The following TMEM45A variants were observed in gnomAD, a reference collection of about 807,000 sequenced individuals.
The protein encoded by TMEM45A is DNA polymerase-transactivated protein 4.
A neutral mutation model predicts 32.0 loss-of-function variants in TMEM45A; 25 were observed. That is an observed-to-expected ratio of 0.78 (90% CI 0.57 to 1.09). The LOEUF is 1.09. TMEM45A is among the 50% of genes least tolerant of loss of function. TMEM45A has a pLI of 0.00. For synonymous variants in TMEM45A, 122 were observed against 114.8 expected (o/e 1.06, Z -0.40); for missense variants, 302 against 325.0 (o/e 0.93, Z 0.54).
At chr3:100,539,432 G>GATATGT (rs61585906) in intron 1 of TMEM45A, among the ~76,000 whole-genome samples, 4,619 of 82,564 alleles carry the variant, frequency 0.056, 184 homozygotes, top group African/African-American at 0.066. Context: ...AACCCAATAG[G>GATATGT]ATATGTATAT....
chr3:100,574,961 C>A (rs189386608), intron 5 of TMEM45A, among the ~76,000 whole-genome samples: 1 of 152,232 alleles, frequency 6.6e-6, no homozygotes, highest in African/African-American at 2.4e-5. Context: ...GTTAGTTCCA[C>A]AGAAGTATTT....
intron 4 of TMEM45A, among the ~76,000 whole-genome samples, chr3:100,566,254 C>T (rs1249072403): frequency 6.6e-6 from 1 of 151,986 alleles, no homozygotes; most frequent in Non-Finnish European, 1.5e-5. Context: ...TGTTTGAATA[C>T]CTATTTTTAG....
chr3:100,567,312 C>A (rs1468876139), intron 4 of TMEM45A, among the ~76,000 whole-genome samples: 1 of 151,800 alleles, frequency 6.6e-6, no homozygotes, highest in Non-Finnish European at 1.5e-5. Flanking sequence ...AACCAATTGA[C>A]CTCAGACATA....
At chr3:100,498,633 T>C (rs11923942) in intron 1 of TMEM45A, among the ~76,000 whole-genome samples, 34,423 of 151,990 alleles carry the variant, frequency 0.23, 4,214 homozygotes, top group East Asian at 0.36. Context: ...AACCCGGGCC[T>C]CTAATTAATA....
intron 1 of TMEM45A, among the ~76,000 whole-genome samples, chr3:100,517,583 T>A (rs1296445168): frequency 1.3e-5 from 2 of 152,348 alleles, no homozygotes; most frequent in East Asian, 3.9e-4. Context: ...ACTGTCCCCA[T>A]GCCAAAGATC....
At chr3:100,550,522 C>T (rs1479774953) in intron 1 of TMEM45A, among the ~76,000 whole-genome samples, 1 of 152,150 alleles carries the variant, frequency 6.6e-6, no homozygotes, top group Non-Finnish European at 1.5e-5. Flanking sequence ...TTGGTGGTGG[C>T]GCAAGATGAA....
intron 1 of TMEM45A, among the ~76,000 whole-genome samples, chr3:100,494,243 A>T (rs572312794): frequency 6.6e-6 from 1 of 152,292 alleles, no homozygotes; most frequent in African/African-American, 2.4e-5. Flanking sequence ...CTTTTGTCAT[A>T]TGTTATTTAC....
rs137870875 is a variant in TMEM45A, at chr3:100,504,345, T to C, written c.-4+11417T>C. The stretch of plus-strand genomic sequence containing the variant: ...AAACACTTCATCTCAGTTCCTGTCC[T>C]TGTAGATGGTAACAGCTTGCAGACT... On this transcript the variant is annotated intron_variant, in intron 1 of 5. Coordinates refer to ENST00000323523, the MANE Select transcript of TMEM45A (RefSeq NM_018004.3). 1.3e-3 allele frequency among the ~76,000 whole-genome samples: 198 copies of C among 152,320 alleles called. 1 individual carries two copies. Among genetic ancestry groups the C allele is most frequent in the African/African-American group, 4.4e-3 (182 of 41,570 alleles).
intron 1 of TMEM45A, among the ~76,000 whole-genome samples, chr3:100,523,956 G>C (rs779786387): frequency 6.6e-6 from 1 of 152,190 alleles, no homozygotes; most frequent in African/African-American, 2.4e-5. Context: ...CATTTTGTTT[G>C]GTCATAGTAG....
chr3:100,528,987 A>G lies in TMEM45A; in HGVS notation c.-3-26222A>G, dbSNP rs1705598977. Among the ~76,000 whole-genome samples, 3 of 152,304 alleles carry G rather than the reference A, an allele frequency of 2.0e-5. No individual in the cohort carries two copies. In the South Asian group the frequency reaches 6.2e-4, roughly 32 times the overall value. On this transcript the variant is annotated intron_variant, in intron 1 of 5. Coordinates refer to ENST00000323523, the MANE Select transcript of TMEM45A (RefSeq NM_018004.3). ...AGTTTCTGTTTTATAGGAGATTGGA[A>G]AGAAAGCACTGCAAATGAAGCTCCT...
intron 1 of TMEM45A, among the ~76,000 whole-genome samples, chr3:100,493,769 T>G (rs1707884863): frequency 6.6e-6 from 1 of 152,188 alleles, no homozygotes; most frequent in Non-Finnish European, 1.5e-5. Context: ...CTCACTCTTG[T>G]CGCCAAGGCT....
At chr3:100,560,684 CATA>C (rs1559651802) in intron 4 of TMEM45A, among the ~76,000 whole-genome samples, 1 of 151,936 alleles carries the variant, frequency 6.6e-6, no homozygotes, top group African/African-American at 2.4e-5. Flanking sequence ...TAGGAGTCCT[CATA>C]TATTTACTAG....
chr3:100,550,060 G>A (rs1706062217), intron 1 of TMEM45A, among the ~76,000 whole-genome samples: 1 of 114,972 alleles, frequency 8.7e-6, no homozygotes. Flanking sequence ...TGGGGGGAGG[G>A]GGGAGGGATA....
intron 1 of TMEM45A, among the ~76,000 whole-genome samples, chr3:100,551,107 G>A (rs1286484993): frequency 1.4e-5 from 2 of 147,170 alleles, no homozygotes; most frequent in South Asian, 2.2e-4. Context: ...TCCGCCTCCC[G>A]GGTTCACGCC....
At chr3:100,558,160 T>C (rs1290331861) in intron 3 of TMEM45A, among the ~76,000 whole-genome samples, 2 of 152,156 alleles carry the variant, frequency 1.3e-5, no homozygotes, top group African/African-American at 4.8e-5. Context: ...TCATTGAAAA[T>C]GTCACAATGT....
chr3:100,554,841 T>C (rs558080427), intron 1 of TMEM45A, among the ~76,000 whole-genome samples: 2 of 152,360 alleles, frequency 1.3e-5, no homozygotes, highest in African/African-American at 4.8e-5. Context: ...TTTTGCTTAA[T>C]ATTTGTGAGA....
At chr3:100,522,614 T>G (rs1433171867) in intron 1 of TMEM45A, among the ~76,000 whole-genome samples, 2 of 152,180 alleles carry the variant, frequency 1.3e-5, no homozygotes, top group South Asian at 2.1e-4. Context: ...ATGATTTATG[T>G]AGGTGGGAGG....
chr3:100,558,621 A>G, intron 4 of TMEM45A, 32 bp downstream of exon 4: 1 of 1,598,394 alleles, frequency 6.3e-7, no homozygotes, highest in African/African-American at 1.3e-5. Flanking sequence ...ATGTACCTGG[A>G]CTCTTTGCCT....
chr3:100,507,165 A>G (rs1708090140), intron 1 of TMEM45A, among the ~76,000 whole-genome samples: 1 of 152,112 alleles, frequency 6.6e-6, no homozygotes, highest in South Asian at 2.1e-4. Flanking sequence ...TATTTGTCCG[A>G]TTCTCTCCCA....
Sources: gnomAD v4.1 joint callset for allele counts (sites outside exome capture counted in the v4.1 genomes callset) on GRCh38, gnomAD v4.1.1 for gene constraint, MANE v1.5 for transcripts, NCBI Gene and HGNC (gene_info 2026-07-23, HGNC 2026-07-21) for gene names.